Variants in ATP1B4 observed in about 807,000 individuals in gnomAD.
The protein encoded by ATP1B4 is protein ATP1B4.
A neutral mutation model predicts 29.6 loss-of-function variants in ATP1B4; 32 were observed. The ratio of observed to expected loss-of-function variants is 1.08; its 90% CI spans 0.82 to 1.45. ATP1B4 has a LOEUF of 1.45. Among genes scored for constraint, ATP1B4 ranks in the 40% most tolerant of loss-of-function variants. The probability of loss-of-function intolerance (pLI) is 0.00; values close to 1 mark genes in which losing one functional copy is unlikely to be tolerated. For missense variants in ATP1B4, 323 were observed against 276.2 expected, an observed-to-expected ratio of 1.17 and a Z score of -1.20; for synonymous variants, 127 against 102.1, an observed-to-expected ratio of 1.24 and a Z score of -1.47.
In ATP1B4 at chrX:120,370,696, A is replaced by G; in HGVS notation, c.329-19A>G. On this transcript the variant is annotated intron_variant, in intron 2 of 7. Coordinates refer to ENST00000218008, the MANE Select transcript of ATP1B4 (RefSeq NM_001142447.3). ...TTGTTGGCAAGCACTGACCACTCTC[A>G]TCTGTGATTGCTCTGCAGGCCTGAT... The G allele has an allele frequency of 8.3e-7, 1 of 1,208,272 alleles. No homozygotes were observed. The highest frequency in any genetic ancestry group is 1.1e-6 in the Non-Finnish European group (1 of 893,996).
chrX:120,379,700 C>T lies in ATP1B4; in HGVS notation c.*66C>T. 9.2e-7 allele frequency: 1 copy of T among 1,081,547 alleles called. No individual in the cohort carries two copies. The highest frequency in any genetic ancestry group is 1.9e-5 in the African/African-American group (1 of 53,808). The allele number at this position is 1,081,547 out of a possible 1,213,427, so 89.1% of individuals were successfully genotyped here. A position where few individuals can be genotyped will look rare whatever the true frequency, so the allele number is the denominator to read the frequency against. On this transcript the variant is annotated 3_prime_UTR_variant, in exon 8 of 8. Transcript: ENST00000218008. ...TATCTCATGGTATCTCTGGTAGCAC[C>T]TGAATTCTTTTTCTTCAATTAGGAC...
Position 120,379,648 on chromosome X carries a change from C to T in ATP1B4, c.*14C>T. 1 of 1,186,851 alleles carries T rather than the reference C, an allele frequency of 8.4e-7. No individual in the cohort carries two copies. Among genetic ancestry groups the T allele is most frequent in the Non-Finnish European group, 1.1e-6 (1 of 884,146 alleles). ...ATAGAAACTTAAGAACTTCAGGGGG[C>T]CATTCTTACCAGTTCTGTTTCTGTT... On this transcript the variant is annotated 3_prime_UTR_variant, in exon 8 of 8. Coordinates refer to ENST00000218008, the MANE Select transcript of ATP1B4 (RefSeq NM_001142447.3).
At chrX:120,373,687 T>C (rs892147734) in intron 4 of ATP1B4, among the ~76,000 whole-genome samples, 4 of 112,328 alleles carry the variant, frequency 3.6e-5, no homozygotes, top group Admixed American at 2.8e-4. Context: ...CTCCCTGATA[T>C]ATGTATCCTT....
intron 2 of ATP1B4, among the ~76,000 whole-genome samples, chrX:120,368,031 C>T (rs771028812): frequency 8.9e-6 from 1 of 111,961 alleles, no homozygotes; most frequent in African/African-American, 3.2e-5. Context: ...GAAAAACAAG[C>T]CTTGTGAAAT....
At chrX:120,364,577 A>C (rs190723368) in intron 1 of ATP1B4, among the ~76,000 whole-genome samples, 3 of 112,385 alleles carry the variant, frequency 2.7e-5, no homozygotes, top group African/African-American at 9.7e-5. Flanking sequence ...AAATGTGTGC[A>C]TAGGTTCACA....
In ATP1B4 at chrX:120,381,814, T is replaced by A. The variant is rs2058382487; in HGVS notation, c.*2180T>A. On this transcript the variant is annotated 3_prime_UTR_variant, in exon 8 of 8. Transcript: ENST00000218008. The stretch of plus-strand genomic sequence containing the variant: ...GGGTGATTGGAGAAGGACAAGACTG[T>A]GGAATGGGGAATAAGGAAGGAGGAG... 1 of 111,544 alleles carries A rather than the reference T, an allele frequency of 9.0e-6. No individual in the cohort carries two copies. Among genetic ancestry groups the A allele is most frequent in the Non-Finnish European group, 1.9e-5 (1 of 53,075 alleles). The allele number at this position is 111,544 out of a possible 1,213,427, so 9.2% of individuals were successfully genotyped here.
rs1208090413 is a variant in ATP1B4 at position 120,382,796 on chromosome X, G to A, written c.*3162G>A. The A allele has an allele frequency of 8.9e-6, 1 of 112,162 alleles. No homozygotes were observed. The highest frequency in any genetic ancestry group is 1.9e-5 in the Non-Finnish European group (1 of 53,201). The allele number at this position is 112,162 out of a possible 1,213,427, so 9.2% of individuals were successfully genotyped here. On this transcript the variant is annotated 3_prime_UTR_variant, in exon 8 of 8. Coordinates refer to ENST00000218008, the MANE Select transcript of ATP1B4 (RefSeq NM_001142447.3). ...TATTTATCTTTCAATGGAATCCATT[G>A]TGTCCACAATTGCAAAGCAATATTG...
rs2058387156 is a variant in ATP1B4 at position 120,382,992 on chromosome X, T to C, written c.*3358T>C. On this transcript the variant is annotated 3_prime_UTR_variant, in exon 8 of 8. Transcript: ENST00000218008. ...TACCGTGCTGCATCAGGATTTGATT[T>C]GTATGCCATCTGTTGCAATGCACTT... 8.9e-6 allele frequency: 1 copy of C among 112,339 alleles called. No homozygotes were observed. The highest frequency in any genetic ancestry group is 9.4e-5 in the Admixed American group (1 of 10,621). The allele number at this position is 112,339 out of a possible 1,213,427, so 9.3% of individuals were successfully genotyped here.
At chrX:120,365,403 A>T (rs770659731) in intron 1 of ATP1B4, among the ~76,000 whole-genome samples, 6 of 112,016 alleles carry the variant, frequency 5.4e-5, no homozygotes, top group African/African-American at 2.0e-4. Context: ...CAATTTGCTG[A>T]GCCCTCCTCC....
Position 120,374,695 on chromosome X carries a change from A to AAT in ATP1B4, c.563-665_563-664dup, listed in dbSNP as rs1165253275. On this transcript the variant is annotated intron_variant, in intron 4 of 7. Coordinates refer to ENST00000218008, the MANE Select transcript of ATP1B4 (RefSeq NM_001142447.3). The stretch of plus-strand genomic sequence containing the variant: ...ATATATATTATATACCCTTATATAT[A>AAT]ATATATATATATACCCTTATATATA... Among the ~76,000 whole-genome samples the AAT allele has an allele frequency of 8.7e-4, 37 of 42,443 alleles. 3 individuals carry two copies. Among genetic ancestry groups the AAT allele is most frequent in the African/African-American group, 1.6e-3 (20 of 12,552 alleles). 36.9% of individuals were successfully genotyped at this position (42,443 alleles called of 115,157 possible).
intron 7 of ATP1B4, 80 bp downstream of exon 7, chrX:120,378,853 T>C: frequency 2.2e-6 from 2 of 910,620 alleles, no homozygotes; most frequent in Non-Finnish European, 3.2e-6. Flanking sequence ...CTATGAGAAT[T>C]AGGGAGCAGG....
Position 120,382,300 on chromosome X carries a change from A to C in ATP1B4, c.*2666A>C, listed in dbSNP as rs1293754886. ...CTTCTATAGTAGGTTAATGGAAAATACAAAAACAAACAAACATACAATGAA... is the reference window on the plus strand; with the variant it reads ...CTTCTATAGTAGGTTAATGGAAAATCCAAAAACAAACAAACATACAATGAA... On this transcript the variant is annotated 3_prime_UTR_variant, in exon 8 of 8. Transcript: ENST00000218008. 1 of 112,059 alleles carries C rather than the reference A, an allele frequency of 8.9e-6. No individual in the cohort carries two copies. The highest frequency in any genetic ancestry group is 9.5e-5 in the Admixed American group (1 of 10,523). The allele number at this position is 112,059 out of a possible 1,213,427, so 9.2% of individuals were successfully genotyped here.
chrX:120,364,735 G>A, intron 1 of ATP1B4, among the ~76,000 whole-genome samples: 1 of 111,483 alleles, frequency 9.0e-6, no homozygotes, highest in Middle Eastern at 4.2e-3. Flanking sequence ...GTGTTTTTTT[G>A]AGACAATGTC....
intron 4 of ATP1B4, among the ~76,000 whole-genome samples, chrX:120,373,872 T>C (rs5910848): frequency 0.34 from 37,577 of 110,034 alleles, 6,142 homozygotes; most frequent in Middle Eastern, 0.55. Context: ...CTGTAAAGGA[T>C]GAAGAGCTGG....
Position 120,374,770 on chromosome X carries a change from A to AAGGG in ATP1B4, c.563-602_563-601insAGGG, listed in dbSNP as rs1381156529. Reference sequence around the variant, plus strand: ...GGGTGTATATATATATATTATATATATATAATATATATATATTATATACCC... The same window carrying AAGGG: ...GGGTGTATATATATATATTATATATAAGGGTATAATATATATATATTATATACCC... On this transcript the variant is annotated intron_variant, in intron 4 of 7. Coordinates refer to ENST00000218008, the MANE Select transcript of ATP1B4 (RefSeq NM_001142447.3). Among the ~76,000 whole-genome samples the AAGGG allele has an allele frequency of 1.2e-3, 13 of 10,563 alleles. 1 individual carries two copies. The highest frequency in any genetic ancestry group is 9.4e-3 in the South Asian group (1 of 106). The allele number at this position is 10,563 out of a possible 115,157, so 9.2% of individuals were successfully genotyped here. A position where few individuals can be genotyped will look rare whatever the true frequency, so the allele number is the denominator to read the frequency against.
chrX:120,379,412 T>C, intron 7 of ATP1B4, 61 bp from the exon 8 acceptor site: 1 of 1,043,171 alleles, frequency 9.6e-7, no homozygotes, highest in Non-Finnish European at 1.3e-6. Context: ...GCAGTGATTA[T>C]CTGATCACTT....
intron 4 of ATP1B4, 119 bp from the exon 5 acceptor site, chrX:120,375,253 T>C (rs2058346542): frequency 1.6e-6 from 1 of 628,649 alleles, no homozygotes; most frequent in Admixed American, 3.0e-5. Context: ...CTGAGTGGGC[T>C]TTCAGAGGAG....
At chrX:120,377,171 T>A (rs1208557878) in intron 6 of ATP1B4, among the ~76,000 whole-genome samples, 2 of 112,359 alleles carry the variant, frequency 1.8e-5, no homozygotes, top group Non-Finnish European at 3.8e-5. Flanking sequence ...AACTTCAGTC[T>A]TCATGGTGAC....
chrX:120,368,708 G>A (rs936822793), intron 2 of ATP1B4, among the ~76,000 whole-genome samples: 1 of 111,819 alleles, frequency 8.9e-6, no homozygotes, highest in Non-Finnish European at 1.9e-5. Context: ...CAATGAACAA[G>A]GCCCTGATGT....
Sources: gnomAD v4.1 joint callset for allele counts (sites outside exome capture counted in the v4.1 genomes callset) on GRCh38, gnomAD v4.1.1 for gene constraint, MANE v1.5 for transcripts, NCBI Gene and HGNC (gene_info 2026-07-23, HGNC 2026-07-21) for gene names.